CDH8: variants seen among roughly 807,000 people sequenced by gnomAD.
CDH8 encodes the protein cadherin 8, also known as cadherin-8.
In CDH8, 17 loss-of-function variants were observed where a neutral mutation model predicts 68.1. That is an observed-to-expected ratio of 0.25 (90% CI 0.17 to 0.37). The LOEUF is 0.37. Among genes scored for constraint, CDH8 ranks in the 10% least tolerant of loss-of-function variants. The probability of loss-of-function intolerance (pLI) is 1.00; values close to 1 mark genes in which losing one functional copy is unlikely to be tolerated. For missense variants in CDH8, 763 were observed against 999.3 expected, an observed-to-expected ratio of 0.76 and a Z score of 3.19; for synonymous variants, 372 against 365.1, an observed-to-expected ratio of 1.02 and a Z score of -0.21.
chr16:61,933,671 C>G (rs1212989693), intron 2 of CDH8, among the ~76,000 whole-genome samples: 1 of 152,056 alleles, frequency 6.6e-6, no homozygotes, highest in Non-Finnish European at 1.5e-5. Flanking sequence ...AATGAGGATA[C>G]TAATTAATCT....
chr16:61,866,201 G>A (rs1963250026), intron 3 of CDH8, among the ~76,000 whole-genome samples: 1 of 151,836 alleles, frequency 6.6e-6, no homozygotes, highest in Non-Finnish European at 1.5e-5. Flanking sequence ...TCCAGCCTTG[G>A]TGACAGAGTG....
chr16:61,748,218 T>A (rs1596928116), intron 8 of CDH8, among the ~76,000 whole-genome samples: 1 of 102,070 alleles, frequency 9.8e-6, no homozygotes, highest in East Asian at 2.5e-4. Context: ...CATTTGAGAA[T>A]GTCATCATCA....
chr16:61,767,923 A>G (rs1960636660), intron 8 of CDH8, among the ~76,000 whole-genome samples: 1 of 151,930 alleles, frequency 6.6e-6, no homozygotes, highest in African/African-American at 2.4e-5. Flanking sequence ...TTTAGAACTC[A>G]GAGAGATACA....
At chr16:61,692,205 C>T (rs1259382724) in intron 10 of CDH8, 1 of 151,998 alleles carries the variant, frequency 6.6e-6, no homozygotes, top group African/African-American at 2.4e-5. Flanking sequence ...AATTTCAATG[C>T]CCTAATGCAA....
At chr16:61,713,692 A>G in intron 10 of CDH8, 149 bp downstream of exon 10, 1 of 523,550 alleles carries the variant, frequency 1.9e-6, no homozygotes, top group Non-Finnish European at 3.4e-6. Flanking sequence ...AAGTAAGGTA[A>G]TTACCATGCC....
intron 3 of CDH8, among the ~76,000 whole-genome samples, chr16:61,871,697 G>A (rs1963367126): frequency 1.3e-5 from 2 of 151,654 alleles, no homozygotes; most frequent in South Asian, 4.2e-4. Flanking sequence ...AAGCTAAAAT[G>A]TTGAGGCCAC....
At chr16:61,822,205 C>CCTTTTTTT (rs1962230457) in intron 5 of CDH8, among the ~76,000 whole-genome samples, 3 of 45,630 alleles carry the variant, frequency 6.6e-5, no homozygotes, top group African/African-American at 2.2e-4. Flanking sequence ...AAAAACGCAC[C>CCTTTTTTT]TTTTTTTTTT....
chr16:61,788,136 C>T lies in CDH8; in HGVS notation c.1414+1210G>A, dbSNP rs1327222240. On this transcript the variant is annotated intron_variant, in intron 8 of 11. Transcript: ENST00000577390. The stretch of plus-strand genomic sequence containing the variant: ...CATTCTTCACTCTTGAATCTTCACT[C>T]TTTCACACAAGCGTTCTTTTTATAA... Among the ~76,000 whole-genome samples, 3 of 151,658 alleles carry T rather than the reference C, an allele frequency of 2.0e-5. No homozygotes were observed. In the East Asian group the frequency reaches 5.8e-4, roughly 29 times the overall value.
At chr16:61,888,232 G>A (rs1182491431) in intron 3 of CDH8, among the ~76,000 whole-genome samples, 1 of 152,142 alleles carries the variant, frequency 6.6e-6, no homozygotes, top group Non-Finnish European at 1.5e-5. Context: ...GTGACAAAGG[G>A]CACCAGTTCT....
intron 2 of CDH8, among the ~76,000 whole-genome samples, chr16:61,945,625 G>T (rs1261668574): frequency 6.6e-6 from 1 of 152,070 alleles, no homozygotes; most frequent in Non-Finnish European, 1.5e-5. Context: ...AAGAGCAGAC[G>T]GTTGAGGAGT....
At chr16:61,837,352 C>T (rs979429100) in intron 4 of CDH8, among the ~76,000 whole-genome samples, 2 of 152,026 alleles carry the variant, frequency 1.3e-5, no homozygotes, top group African/African-American at 4.8e-5. Context: ...ATGTAGTCAA[C>T]ACTTTTCAGC....
chr16:61,769,416 G>A (rs1960721502), intron 8 of CDH8, among the ~76,000 whole-genome samples: 1 of 151,792 alleles, frequency 6.6e-6, no homozygotes, highest in Non-Finnish European at 1.5e-5. Flanking sequence ...AAAGGAATGA[G>A]TACTTTGACT....
At chr16:61,728,023 T>C (rs1260158188) in intron 8 of CDH8, among the ~76,000 whole-genome samples, 1 of 151,056 alleles carries the variant, frequency 6.6e-6, no homozygotes, top group African/African-American at 2.4e-5. Flanking sequence ...AAATGGAATA[T>C]AGTTTGACTT....
intron 10 of CDH8, chr16:61,667,348 C>A (rs1368946534): frequency 2.0e-5 from 3 of 151,876 alleles, no homozygotes; most frequent in Non-Finnish European, 4.4e-5. Flanking sequence ...GTGGAAGTTC[C>A]TAGACTAACA....
Position 62,021,506 on chromosome 16 carries a change from A to G in CDH8, c.-103T>C, listed in dbSNP as rs1902075402. ...ATCATGCAGTGCCGAGCATTTACTT[A>G]CAGCTCTGCCACGTGTCTATAGCAC... On this transcript the variant is annotated 5_prime_UTR_variant, in exon 2 of 12. Transcript: ENST00000577390. The G allele has an allele frequency of 6.6e-7, 1 of 1,508,362 alleles. No individual in the cohort carries two copies. Among genetic ancestry groups the G allele is most frequent in the Non-Finnish European group, 8.8e-7 (1 of 1,133,650 alleles). 93.4% of individuals were successfully genotyped at this position (1,508,362 alleles called of 1,614,324 possible). A position where few individuals can be genotyped will look rare whatever the true frequency, so the allele number is the denominator to read the frequency against.
chr16:61,687,034 A>C (rs754376968), intron 10 of CDH8, among the ~76,000 whole-genome samples: 1 of 151,946 alleles, frequency 6.6e-6, no homozygotes, highest in Non-Finnish European at 1.5e-5. Flanking sequence ...AAATTATATA[A>C]TATCCTTTAC....
At chr16:61,746,925 A>T (rs1960037074) in intron 8 of CDH8, among the ~76,000 whole-genome samples, 1 of 152,134 alleles carries the variant, frequency 6.6e-6, no homozygotes, top group African/African-American at 2.4e-5. Context: ...ATAATTCAAG[A>T]TGAACGATTA....
chr16:61,767,575 G>T (rs2142979856), intron 8 of CDH8, among the ~76,000 whole-genome samples: 1 of 151,952 alleles, frequency 6.6e-6, no homozygotes, highest in Non-Finnish European at 1.5e-5. Context: ...TAAAAAAGTA[G>T]GGAGGTCAAA....
At chr16:61,979,120 C>A (rs1219646110) in intron 2 of CDH8, among the ~76,000 whole-genome samples, 2 of 151,064 alleles carry the variant, frequency 1.3e-5, no homozygotes. Context: ...AAACAACGGG[C>A]CAGAAGTAAA....
Sources: allele counts gnomAD v4.1 joint callset (sites outside exome capture counted in the v4.1 genomes callset), GRCh38; gene constraint gnomAD v4.1.1; transcripts MANE v1.5; gene names NCBI Gene and HGNC (gene_info 2026-07-23, HGNC 2026-07-21).